Variants in RAB37 observed in about 807,000 individuals in gnomAD.
RAB37 encodes RAB37, member RAS oncogene family, also known as ras-related protein Rab-37.
RAB37 carries 29 observed loss-of-function variants against 33.1 expected under a neutral mutation model. The observed-to-expected ratio is 0.88, with a 90% CI of 0.65 to 1.20. RAB37 has a LOEUF of 1.20. Among genes scored for constraint, RAB37 ranks in the 50% most tolerant of loss-of-function variants. RAB37 has a pLI of 0.00. For synonymous variants in RAB37, 128 were observed against 119.5 expected (o/e 1.07, Z -0.47); for missense variants, 299 against 301.1 (o/e 0.99, Z 0.05).
upstream of RAB37, among the ~76,000 whole-genome samples, chr17:74,732,549 G>A (rs1373177918): frequency 1.4e-5 from 2 of 143,624 alleles, no homozygotes; most frequent in Non-Finnish European, 3.1e-5. Context: ...GGTGTGTGGT[G>A]TGATTTGAGG....
At position 74,746,621 on chromosome 17, in the gene RAB37, A is replaced by G. The variant is rs897992716; in HGVS notation, c.*1210A>G. ...TTAGCCCTCCTGGGTTAAGAGCCAG[A>G]TAAGGAGAAATCCCTTTCCTAGGTT... is the stretch of plus-strand genomic sequence containing the variant. On this transcript the variant is annotated 3_prime_UTR_variant, in exon 9 of 9. Transcript: ENST00000392613. The surrounding 1 kb of genome is among the most constrained non-coding windows in gnomAD (Gnocchi z 5.2). The G allele has an allele frequency of 1.3e-5, 2 of 152,202 alleles. No homozygotes were observed. Among genetic ancestry groups the G allele is most frequent in the African/African-American group, 4.8e-5 (2 of 41,448 alleles). The allele number at this position is 152,202 out of a possible 1,614,324, so 9.4% of individuals were successfully genotyped here. A position where few individuals can be genotyped will look rare whatever the true frequency, so the allele number is the denominator to read the frequency against.
chr17:74,722,282 CAAAAA>C (rs375629072), intron 1 of RAB37, among the ~76,000 whole-genome samples: 2 of 65,532 alleles, frequency 3.1e-5, no homozygotes, highest in Non-Finnish European at 6.6e-5. Context: ...GACTCTGTCT[CAAAAA>C]AAAAAAAAAA....
At chr17:74,710,427 A>G (rs1458126012) in intron 1 of RAB37, among the ~76,000 whole-genome samples, 1 of 152,256 alleles carries the variant, frequency 6.6e-6, no homozygotes, top group Non-Finnish European at 1.5e-5. Flanking sequence ...ATAAACATGT[A>G]AAAATCAATG....
At chr17:74,721,022 G>A (rs1175478806) in intron 1 of RAB37, among the ~76,000 whole-genome samples, 1 of 152,148 alleles carries the variant, frequency 6.6e-6, no homozygotes, top group African/African-American at 2.4e-5. Flanking sequence ...CCGATGCTCA[G>A]TTGCTTCCAC....
chr17:74,722,489 C>T (rs1341661253), intron 1 of RAB37, among the ~76,000 whole-genome samples: 1 of 152,180 alleles, frequency 6.6e-6, no homozygotes, highest in Admixed American at 6.5e-5. Context: ...AATCAGAGGA[C>T]ACTCACCCAG....
rs1225238831 is a variant in RAB37, at chr17:74,743,132, T to G, written c.250T>G (p.Trp84Gly). ...TCTCCATCCCATCCCTTCCCAGATC[T>G]GGGACACCGCTGGGCAGGAACGGTT... ...VDGVRVKLQI[W>G]DTAGQERFRS... Residue 84 changes from tryptophan (W) to glycine (G), a missense_variant, in exon 4 of 9, where the codon TGG (tryptophan) becomes GGG (glycine). Coordinates refer to ENST00000392613, the MANE Select transcript of RAB37 (RefSeq NM_001006638.3). The G allele has an allele frequency of 6.2e-7, 1 of 1,613,006 alleles. No homozygotes were observed.
upstream of RAB37, chr17:74,736,763 C>A: frequency 6.5e-7 from 1 of 1,535,670 alleles, no homozygotes; most frequent in Non-Finnish European, 8.7e-7. Flanking sequence ...AAACTATATT[C>A]AGATGAGCTC....
intron 1 of RAB37, among the ~76,000 whole-genome samples, chr17:74,682,326 G>GTCTC (rs991395600): frequency 1.3e-5 from 2 of 151,098 alleles, no homozygotes; most frequent in Non-Finnish European, 3.0e-5. Flanking sequence ...CTCACTCTCT[G>GTCTC]TCTCTCTCTC....
chr17:74,740,731 T>G, intron 1 of RAB37, 37 bp from the exon 2 acceptor site: 1 of 1,412,118 alleles, frequency 7.1e-7, no homozygotes, highest in East Asian at 2.3e-5. Flanking sequence ...AAGCTGCCCC[T>G]GACTCCCCAT....
chr17:74,727,681 G>T (rs964198627), intron 1 of RAB37, among the ~76,000 whole-genome samples: 9 of 152,248 alleles, frequency 5.9e-5, no homozygotes, highest in Non-Finnish European at 1.0e-4. Context: ...GTGGATGGAA[G>T]TCTGAGAGAC....
In RAB37 at chr17:74,713,606, G is replaced by A. The variant is rs868245930; in HGVS notation, c.73-15650G>A. ...CTGGAGAGCCACGGCTGATAGACACGATGTCCTAAACCTGGAGCTTCAGGT... is the reference window on the plus strand; with the variant it reads ...CTGGAGAGCCACGGCTGATAGACACAATGTCCTAAACCTGGAGCTTCAGGT... On this transcript the variant is annotated intron_variant, in intron 1 of 7. Transcript: ENST00000340415. 3.3e-5 allele frequency among the ~76,000 whole-genome samples: 5 copies of A among 152,114 alleles called. No homozygotes were observed. The East Asian group carries it at 9.7e-4, about 30-fold the overall frequency.
chr17:74,744,762 C>A lies in RAB37; in HGVS notation c.433-111C>A. 2 of 1,276,232 alleles carry A rather than the reference C, an allele frequency of 1.6e-6. No individual in the cohort carries two copies. Among genetic ancestry groups the A allele is most frequent in the Non-Finnish European group, 1.1e-6 (1 of 874,552 alleles). The allele number at this position is 1,276,232 out of a possible 1,614,324, so 79.1% of individuals were successfully genotyped here. A position where few individuals can be genotyped will look rare whatever the true frequency, so the allele number is the denominator to read the frequency against. ...GCCCCAGGCCAATCACACCTGCCTGCAGTCCCTTGGGCCACCAGCAGAGGG... is the reference window on the plus strand; with the variant it reads ...GCCCCAGGCCAATCACACCTGCCTGAAGTCCCTTGGGCCACCAGCAGAGGG... On this transcript the variant is annotated intron_variant, in intron 6 of 8. Transcript: ENST00000392613. This position sits in a 1 kb window ranked among gnomAD's most constrained non-coding sequence, Gnocchi z 4.2.
rs1304755899 is a variant in RAB37, at chr17:74,746,889, A to G, written c.*1478A>G. 1 of 152,222 alleles carries G rather than the reference A, an allele frequency of 6.6e-6. No individual in the cohort carries two copies. The highest frequency in any genetic ancestry group is 1.5e-5 in the Non-Finnish European group (1 of 68,044). The allele number at this position is 152,222 out of a possible 1,614,324, so 9.4% of individuals were successfully genotyped here. Reference sequence around the variant, plus strand: ...CATTTCCGAGTTAAACCAATGCAATATGAGTAAAACAAAGTCATGTGGGTA... The same window carrying G: ...CATTTCCGAGTTAAACCAATGCAATGTGAGTAAAACAAAGTCATGTGGGTA... On this transcript the variant is annotated 3_prime_UTR_variant, in exon 9 of 9. Transcript: ENST00000392613. The surrounding 1 kb of genome is among the most constrained non-coding windows in gnomAD (Gnocchi z 5.2).
intron 1 of RAB37, among the ~76,000 whole-genome samples, chr17:74,682,313 G>A (rs962815770): frequency 1.3e-4 from 19 of 151,944 alleles, no homozygotes; most frequent in Non-Finnish European, 2.4e-4. Flanking sequence ...CAGTGACTTC[G>A]GCCTCACTCT....
intron 1 of RAB37, chr17:74,703,045 A>G (rs1190223526): frequency 1.2e-6 from 2 of 1,613,686 alleles, no homozygotes; most frequent in East Asian, 2.2e-5. Flanking sequence ...CTGTTGTCCA[A>G]GTGGTGGCCG....
intron 1 of RAB37, chr17:74,695,157 C>T (rs749404330): frequency 1.2e-6 from 2 of 1,614,052 alleles, no homozygotes; most frequent in Admixed American, 1.7e-5. Flanking sequence ...GGGGAGGTGG[C>T]TACTGAGGTG....
intron 2 of RAB37, 26 bp downstream of exon 2, chr17:74,740,904 C>T: frequency 6.6e-7 from 1 of 1,525,672 alleles, no homozygotes; most frequent in African/African-American, 1.4e-5. Context: ...GCACTTGCTT[C>T]CAGCAGAGAG....
chr17:74,711,446 C>T (rs923271081), intron 1 of RAB37, among the ~76,000 whole-genome samples: 3 of 152,240 alleles, frequency 2.0e-5, no homozygotes, highest in Non-Finnish European at 4.4e-5. Context: ...TCTCCACTTA[C>T]ATGCTGAAAC....
Position 74,745,289 on chromosome 17 carries a change from A to G in RAB37, c.567-17A>G. 1.3e-6 allele frequency: 2 copies of G among 1,533,606 alleles called. No individual in the cohort carries two copies. Among genetic ancestry groups the G allele is most frequent in the African/African-American group, 1.4e-5 (1 of 73,212 alleles). 95.0% of individuals were successfully genotyped at this position (1,533,606 alleles called of 1,614,324 possible). On this transcript the variant is annotated splice_polypyrimidine_tract_variant and intron_variant, in intron 8 of 8. Transcript: ENST00000392613. The surrounding 1 kb of genome is among the most constrained non-coding windows in gnomAD (Gnocchi z 4.5). ...AGCCCAGCCCAGCCCAGCCCAGCCC[A>G]TTGTCTCTTCTTCAAGGGAACTGAA...
Sources: gnomAD v4.1 joint callset for allele counts (sites outside exome capture counted in the v4.1 genomes callset) on GRCh38, gnomAD v4.1.1 for gene constraint, Gnocchi (gnomAD v3.1) non-coding constraint, MANE v1.5 for transcripts, NCBI Gene and HGNC (gene_info 2026-07-23, HGNC 2026-07-21) for gene names.